Variants in DOK6 observed in about 807,000 individuals in gnomAD.
The protein encoded by DOK6 is docking protein 6, also known as downstream of tyrosine kinase 6.
Under a neutral mutation model 44.0 loss-of-function variants are expected in DOK6, and 22 were observed. That is an observed-to-expected ratio of 0.50 (90% confidence interval 0.36 to 0.71). The LOEUF (loss-of-function observed/expected upper bound fraction) is 0.71, where lower values mean the gene tolerates loss of function less well. Among genes scored for constraint, DOK6 ranks in the 30% least tolerant of loss-of-function variants. The probability of loss-of-function intolerance (pLI) is 0.00; values close to 1 mark genes in which losing one functional copy is unlikely to be tolerated. For synonymous variants in DOK6, 166 were observed against 145.5 expected (o/e 1.14, Z -1.01); for missense variants, 340 against 416.4 (o/e 0.82, Z 1.60).
intron 1 of DOK6, chr18:69,483,683 C>T (rs774822935): frequency 5.3e-5 from 8 of 152,106 alleles, no homozygotes; most frequent in Non-Finnish European, 1.2e-4. Context: ...CCATTCAAAA[C>T]TCAAGAAAGT....
At chr18:69,802,299 A>G (rs563245267) in intron 7 of DOK6, among the ~76,000 whole-genome samples, 3 of 152,288 alleles carry the variant, frequency 2.0e-5, no homozygotes, top group Admixed American at 2.0e-4. Flanking sequence ...CAACTTCATG[A>G]TGGCAAGAAA....
intron 1 of DOK6, among the ~76,000 whole-genome samples, chr18:69,526,970 C>G (rs955732953): frequency 6.6e-6 from 1 of 152,166 alleles, no homozygotes; most frequent in South Asian, 2.1e-4. Context: ...ATCCCCTTCC[C>G]TTGCTTATCT....
At chr18:69,711,164 G>A (rs968505676) in intron 5 of DOK6, among the ~76,000 whole-genome samples, 8 of 152,154 alleles carry the variant, frequency 5.3e-5, no homozygotes, top group Non-Finnish European at 1.2e-4. Context: ...ATCATTAGAG[G>A]AGCAAAGAAA....
chr18:69,585,220 G>A (rs970526969), intron 2 of DOK6, among the ~76,000 whole-genome samples: 1 of 151,390 alleles, frequency 6.6e-6, no homozygotes. Context: ...AACTCTACAT[G>A]TTTTGTAATT....
chr18:69,575,032 T>C (rs898258502), intron 2 of DOK6, among the ~76,000 whole-genome samples: 1 of 152,074 alleles, frequency 6.6e-6, no homozygotes, highest in Non-Finnish European at 1.5e-5. Flanking sequence ...CTTCAGGCCA[T>C]GGTGAAAAGC....
intron 5 of DOK6, among the ~76,000 whole-genome samples, chr18:69,700,216 C>CATATATAT (rs61078235): frequency 0.01 from 1,265 of 124,778 alleles, 63 homozygotes; most frequent in African/African-American, 0.034. Flanking sequence ...CATATATATA[C>CATATATAT]ATATATATAT....
chr18:69,701,216 G>A (rs1986512255), intron 5 of DOK6, among the ~76,000 whole-genome samples: 1 of 152,222 alleles, frequency 6.6e-6, no homozygotes, highest in Non-Finnish European at 1.5e-5. Context: ...CTCACCTAGT[G>A]TGGGGCAGAA....
At chr18:69,769,816 G>A (rs1008431830) in intron 7 of DOK6, among the ~76,000 whole-genome samples, 8 of 152,036 alleles carry the variant, frequency 5.3e-5, no homozygotes, top group African/African-American at 1.9e-4. Flanking sequence ...TAAGAGTCAG[G>A]AAGCCAGAGA....
chr18:69,635,708 A>G (rs79177395), intron 3 of DOK6, among the ~76,000 whole-genome samples: 1 of 14,536 alleles, frequency 6.9e-5, no homozygotes, highest in African/African-American at 8.2e-5. Context: ...TGCAGGTGGA[A>G]GAAGATGTGT....
intron 7 of DOK6, among the ~76,000 whole-genome samples, chr18:69,833,718 A>T (rs543750753): frequency 1.8e-4 from 28 of 152,296 alleles, no homozygotes; most frequent in African/African-American, 6.7e-4. Context: ...CAGTAGCAAA[A>T]AAAAGCAAAA....
intron 1 of DOK6, among the ~76,000 whole-genome samples, chr18:69,460,588 T>C (rs529430664): frequency 6.6e-6 from 1 of 152,316 alleles, no homozygotes. Context: ...AATTAAATAT[T>C]AAGTCATGCA....
At chr18:69,693,312 GAAAAAAAA>G (rs10554189) in intron 4 of DOK6, among the ~76,000 whole-genome samples, 2 of 126,140 alleles carry the variant, frequency 1.6e-5, no homozygotes, top group Admixed American at 7.9e-5. Flanking sequence ...CTTCTTTGAA[GAAAAAAAA>G]AAAAAAAAAA....
chr18:69,466,372 C>A (rs1445308796), intron 1 of DOK6, among the ~76,000 whole-genome samples: 1 of 152,082 alleles, frequency 6.6e-6, no homozygotes, highest in Non-Finnish European at 1.5e-5. Flanking sequence ...CAATAATATT[C>A]CACTGTACAT....
chr18:69,627,685 G>C (rs1440704382), intron 3 of DOK6, among the ~76,000 whole-genome samples: 3 of 152,070 alleles, frequency 2.0e-5, no homozygotes, highest in African/African-American at 7.2e-5. Context: ...TCCTGACCTT[G>C]TGATCCGCCC....
chr18:69,773,002 A>G (rs530193815), intron 7 of DOK6, among the ~76,000 whole-genome samples: 1 of 152,120 alleles, frequency 6.6e-6, no homozygotes, highest in East Asian at 1.9e-4. Flanking sequence ...AGCAAAAAAC[A>G]CCTACACTAA....
intron 2 of DOK6, among the ~76,000 whole-genome samples, chr18:69,572,667 T>A (rs1345936449): frequency 6.6e-6 from 1 of 151,734 alleles, no homozygotes; most frequent in Non-Finnish European, 1.5e-5. Flanking sequence ...AGCATAGAAA[T>A]CTAGGGAAAA....
At chr18:69,764,531 C>T (rs1025455319) in intron 7 of DOK6, among the ~76,000 whole-genome samples, 1 of 152,146 alleles carries the variant, frequency 6.6e-6, no homozygotes, top group Non-Finnish European at 1.5e-5. Context: ...CCCCTTCATG[C>T]TCCAATTCTC....
intron 7 of DOK6, among the ~76,000 whole-genome samples, chr18:69,762,155 A>T (rs1037689681): frequency 2.0e-5 from 3 of 150,132 alleles, no homozygotes; most frequent in Non-Finnish European, 4.4e-5. Context: ...GCATGCATAC[A>T]TACATACATA....
chr18:69,753,812 C>T (rs950705324), intron 6 of DOK6, among the ~76,000 whole-genome samples: 6 of 124,996 alleles, frequency 4.8e-5, no homozygotes, highest in Admixed American at 8.4e-5. Context: ...AATTTTGTAT[C>T]GCTGTTTGAG....
Sources: allele counts gnomAD v4.1 joint callset (sites outside exome capture counted in the v4.1 genomes callset), GRCh38; gene constraint gnomAD v4.1.1; transcripts MANE v1.5; gene names NCBI Gene and HGNC (gene_info 2026-07-23, HGNC 2026-07-21).